Variants in CSMD1 observed in about 807,000 individuals in gnomAD.
The protein encoded by CSMD1 is CUB and Sushi multiple domains 1, also known as CUB and sushi domain-containing protein 1.
CSMD1 carries 213 observed loss-of-function variants against 417.5 expected under a neutral mutation model. The ratio of observed to expected loss-of-function variants is 0.51; its 90% CI spans 0.46 to 0.57. The LOEUF is 0.57. CSMD1 is among the 20% of genes least tolerant of loss of function. The pLI, the probability that CSMD1 is intolerant of heterozygous loss-of-function variation, is 0.00. For synonymous variants in CSMD1, 2,862 were observed against 1,736.8 expected (o/e 1.65, Z -16.11); for missense variants, 6,923 against 4,529.7 (o/e 1.53, Z -15.17).
chr8:4,178,014 A>G (rs927219709), intron 3 of CSMD1, among the ~76,000 whole-genome samples: 30 of 152,294 alleles, frequency 2.0e-4, no homozygotes, highest in Middle Eastern at 3.4e-3. Flanking sequence ...AGGAGGAACT[A>G]GTACCATTCC....
chr8:4,964,703 G>T (rs572888965), intron 1 of CSMD1, among the ~76,000 whole-genome samples: 8 of 152,110 alleles, frequency 5.3e-5, no homozygotes, highest in Admixed American at 2.0e-4. Context: ...CAGAAACTCA[G>T]TTATGGTCAC....
chr8:4,383,204 C>G (rs915594749), intron 3 of CSMD1, among the ~76,000 whole-genome samples: 1 of 152,160 alleles, frequency 6.6e-6, no homozygotes, highest in Non-Finnish European at 1.5e-5. Context: ...ACTCTGAGTA[C>G]TGACCCAGTA....
intron 1 of CSMD1, among the ~76,000 whole-genome samples, chr8:4,811,195 C>G (rs561172742): frequency 6.6e-6 from 1 of 152,138 alleles, no homozygotes; most frequent in African/African-American, 2.4e-5. Flanking sequence ...CTCCTCATTT[C>G]TGGAAAATGG....
At chr8:4,453,858 G>C (rs1240332259) in intron 2 of CSMD1, among the ~76,000 whole-genome samples, 2 of 107,636 alleles carry the variant, frequency 1.9e-5, no homozygotes, top group African/African-American at 7.4e-5. Context: ...GTCTCACTCT[G>C]TCACCCACGC....
At chr8:3,951,161 A>G (rs1052068485) in intron 5 of CSMD1, among the ~76,000 whole-genome samples, 5 of 152,198 alleles carry the variant, frequency 3.3e-5, no homozygotes, top group African/African-American at 9.6e-5. Flanking sequence ...CAAAGACAGA[A>G]GTTTTGAAGC....
intron 37 of CSMD1, among the ~76,000 whole-genome samples, chr8:3,179,636 A>C (rs1821186820): frequency 6.6e-6 from 1 of 152,198 alleles, no homozygotes; most frequent in Non-Finnish European, 1.5e-5. Flanking sequence ...AAGGAATAAA[A>C]ACCCAGATGC....
intron 3 of CSMD1, among the ~76,000 whole-genome samples, chr8:4,165,480 T>C (rs1036649501): frequency 1.3e-5 from 2 of 152,232 alleles, no homozygotes; most frequent in African/African-American, 2.4e-5. Flanking sequence ...CATTGCTCAC[T>C]GTAGCCTCAA....
At chr8:4,091,000 C>G (rs955749423) in intron 3 of CSMD1, among the ~76,000 whole-genome samples, 2 of 151,570 alleles carry the variant, frequency 1.3e-5, no homozygotes, top group East Asian at 1.9e-4. Flanking sequence ...CTCACTGCAA[C>G]CTCCACCTCC....
intron 2 of CSMD1, among the ~76,000 whole-genome samples, chr8:4,497,213 G>A (rs1214861208): frequency 1.3e-5 from 2 of 152,062 alleles, no homozygotes; most frequent in Non-Finnish European, 2.9e-5. Flanking sequence ...CCTCCAGACT[G>A]TGCTACTCCT....
At chr8:4,582,230 C>A (rs1799455544) in intron 2 of CSMD1, among the ~76,000 whole-genome samples, 3 of 151,974 alleles carry the variant, frequency 2.0e-5, no homozygotes, top group Admixed American at 1.3e-4. Context: ...GAATTACTGT[C>A]AATAATAATA....
intron 63 of CSMD1, among the ~76,000 whole-genome samples, chr8:2,957,358 C>T (rs1250803261): frequency 6.6e-6 from 1 of 152,118 alleles, no homozygotes; most frequent in East Asian, 1.9e-4. Context: ...TAACATTATG[C>T]ACTTATCTTC....
chr8:4,229,622 A>T (rs1209364425), intron 3 of CSMD1, among the ~76,000 whole-genome samples: 1 of 152,050 alleles, frequency 6.6e-6, no homozygotes, highest in Non-Finnish European at 1.5e-5. Flanking sequence ...ATGCCCTCAT[A>T]GTTCACTCCT....
intron 42 of CSMD1, 91 bp from the exon 43 acceptor site, chr8:3,110,426 C>T (rs1585375862): frequency 1.8e-6 from 2 of 1,082,806 alleles, no homozygotes; most frequent in Non-Finnish European, 2.5e-6. Flanking sequence ...CCTTAGCCAA[C>T]ATTTTTCCTG....
chr8:4,623,733 G>C (rs978976862), intron 2 of CSMD1, among the ~76,000 whole-genome samples: 11 of 151,846 alleles, frequency 7.2e-5, no homozygotes, highest in African/African-American at 2.4e-4. Flanking sequence ...ATATACAGAT[G>C]TGTGTGTGTA....
chr8:3,677,064 A>C (rs2117577525), intron 7 of CSMD1, among the ~76,000 whole-genome samples: 1 of 152,244 alleles, frequency 6.6e-6, no homozygotes, highest in East Asian at 1.9e-4. Context: ...ACGGGGCTTA[A>C]AAACTAGACA....
intron 10 of CSMD1, among the ~76,000 whole-genome samples, chr8:3,509,635 G>C (rs1796980320): frequency 6.6e-6 from 1 of 152,190 alleles, no homozygotes; most frequent in South Asian, 2.1e-4. Context: ...GGAAAGGGAA[G>C]AAGCTATAAG....
intron 3 of CSMD1, among the ~76,000 whole-genome samples, chr8:4,261,999 A>G (rs1006545688): frequency 6.6e-6 from 1 of 152,162 alleles, no homozygotes; most frequent in Non-Finnish European, 1.5e-5. Context: ...GAATGAGTGA[A>G]ATTCTGAGAC....
intron 3 of CSMD1, among the ~76,000 whole-genome samples, chr8:4,184,558 G>A (rs886390345): frequency 2.0e-5 from 3 of 152,114 alleles, no homozygotes; most frequent in African/African-American, 7.2e-5. Flanking sequence ...TATGTCCTTT[G>A]CATGAGCATG....
chr8:3,724,826 T>A (rs1488616435), intron 6 of CSMD1, among the ~76,000 whole-genome samples: 1 of 152,228 alleles, frequency 6.6e-6, no homozygotes, highest in South Asian at 2.1e-4. Context: ...GGTATTTTCT[T>A]ATCACATTAA....
Sources: allele counts gnomAD v4.1 joint callset (sites outside exome capture counted in the v4.1 genomes callset), GRCh38; gene constraint gnomAD v4.1.1; transcripts MANE v1.5; gene names NCBI Gene and HGNC (gene_info 2026-07-23, HGNC 2026-07-21).